The following INTU variants were observed in gnomAD, a reference collection of about 807,000 sequenced individuals.
INTU encodes protein inturned.
In INTU, 68 loss-of-function variants were observed where a neutral mutation model predicts 100.5. The observed-to-expected ratio is 0.68, with a 90% CI of 0.56 to 0.83. The LOEUF is 0.83. INTU is among the 40% of genes least tolerant of loss of function. The probability of loss-of-function intolerance (pLI) is 0.00; values close to 1 mark genes in which losing one functional copy is unlikely to be tolerated. For synonymous variants in INTU, 357 were observed against 395.7 expected, an observed-to-expected ratio of 0.90 and a Z score of 1.16; for missense variants, 1,071 against 1,114.7, an observed-to-expected ratio of 0.96 and a Z score of 0.56.
intron 2 of INTU, among the ~76,000 whole-genome samples, chr4:127,646,094 G>T: frequency 6.6e-6 from 1 of 150,628 alleles, no homozygotes; most frequent in African/African-American, 2.4e-5. Flanking sequence ...TGGGGCACGA[G>T]AATCACTTGA....
chr4:127,697,289 TTC>T (rs985942668), intron 8 of INTU, among the ~76,000 whole-genome samples: 5 of 152,124 alleles, frequency 3.3e-5, no homozygotes, highest in African/African-American at 1.2e-4. Context: ...TATTATTTAC[TTC>T]TCTCTTTCCT....
chr4:127,653,007 G>T (rs981809663), intron 2 of INTU, among the ~76,000 whole-genome samples: 2 of 151,214 alleles, frequency 1.3e-5, no homozygotes. Context: ...GTTTATTTGC[G>T]TAGAGGTGTT....
At chr4:127,664,743 C>T (rs747337418) in intron 4 of INTU, among the ~76,000 whole-genome samples, 2 of 151,254 alleles carry the variant, frequency 1.3e-5, no homozygotes, top group Non-Finnish European at 3.0e-5. Context: ...TTTCTCAGTC[C>T]GTGTCTTTAT....
intron 6 of INTU, among the ~76,000 whole-genome samples, chr4:127,683,505 T>G (rs1171472595): frequency 6.6e-6 from 1 of 152,190 alleles, no homozygotes; most frequent in African/African-American, 2.4e-5. Flanking sequence ...GCTTTGTAAT[T>G]GAACTCACAG....
chr4:127,633,013 C>A lies in INTU; in HGVS notation c.-22C>A. 6.2e-7 allele frequency: 1 copy of A among 1,604,882 alleles called. No homozygotes were observed. The highest frequency in any genetic ancestry group is 1.8e-4 in the Middle Eastern group (1 of 5,588). On this transcript the variant is annotated 5_prime_UTR_variant, in exon 1 of 16. Coordinates refer to ENST00000335251, the MANE Select transcript of INTU (RefSeq NM_015693.4). ...GCTGCGAGATTTGAATTACTCCACT[C>A]GTAGCTATTGCATTCCTGACGATGG...
At chr4:127,681,144 G>GA (rs1283765850) in intron 6 of INTU, among the ~76,000 whole-genome samples, 1 of 152,098 alleles carries the variant, frequency 6.6e-6, no homozygotes, top group Non-Finnish European at 1.5e-5. Flanking sequence ...TCATGGGTAG[G>GA]AAAAATCAAT....
chr4:127,692,304 G>A (rs889834956), intron 8 of INTU, among the ~76,000 whole-genome samples: 2 of 151,726 alleles, frequency 1.3e-5, no homozygotes, highest in Non-Finnish European at 2.9e-5. Flanking sequence ...AGGTGGTATT[G>A]CATTGTGGTT....
At chr4:127,686,487 A>G (rs1228423984) in intron 7 of INTU, 1 of 152,208 alleles carries the variant, frequency 6.6e-6, no homozygotes, top group East Asian at 1.9e-4. Context: ...TTCAGATATC[A>G]AACCACACGT....
rs1489416939 is a variant in INTU, at chr4:127,640,580, TATATATATATAC to T, written c.147-2935_147-2924del. On this transcript the variant is annotated intron_variant, in intron 1 of 15. Coordinates refer to ENST00000335251, the MANE Select transcript of INTU (RefSeq NM_015693.4). The stretch of plus-strand genomic sequence containing the variant: ...ATATATATATATATATATATATATA[TATATATATATAC>T]ATATACATAAACACACATGTGTATA... Among the ~76,000 whole-genome samples the T allele has an allele frequency of 9.1e-3, 430 of 47,254 alleles. 23 individuals are homozygous for T. Among genetic ancestry groups the T allele is most frequent in the African/African-American group, 0.024 (328 of 13,682 alleles). The allele number at this position is 47,254 out of a possible 152,430, so 31.0% of individuals were successfully genotyped here.
At chr4:127,693,695 T>C (rs1169420470) in intron 8 of INTU, among the ~76,000 whole-genome samples, 1 of 152,118 alleles carries the variant, frequency 6.6e-6, no homozygotes, top group Non-Finnish European at 1.5e-5. Flanking sequence ...TTCAGTATAA[T>C]ATTGGCTGTA....
intron 3 of INTU, among the ~76,000 whole-genome samples, chr4:127,662,819 G>T (rs1728530379): frequency 6.6e-6 from 1 of 152,142 alleles, no homozygotes; most frequent in African/African-American, 2.4e-5. Context: ...AGCCATGTTG[G>T]TCTAAGATCC....
intron 10 of INTU, 46 bp downstream of exon 10, chr4:127,704,336 GA>G (rs2148729906): frequency 1.4e-6 from 2 of 1,405,494 alleles, no homozygotes; most frequent in East Asian, 4.6e-5. Flanking sequence ...TGTATAAAGA[GA>G]ACTAAATTTT....
chr4:127,709,223 A>G (rs577987603), intron 13 of INTU, among the ~76,000 whole-genome samples: 4 of 152,166 alleles, frequency 2.6e-5, no homozygotes, highest in African/African-American at 9.6e-5. Flanking sequence ...ATTGAAGACA[A>G]CTCTGAAAGG....
At chr4:127,674,842 C>G (rs550776716) in intron 6 of INTU, among the ~76,000 whole-genome samples, 1 of 152,130 alleles carries the variant, frequency 6.6e-6, no homozygotes, top group Non-Finnish European at 1.5e-5. Flanking sequence ...CACTTCCAGA[C>G]GTACTTAGTG....
At chr4:127,642,989 C>T (rs1003984136) in intron 1 of INTU, among the ~76,000 whole-genome samples, 1 of 151,874 alleles carries the variant, frequency 6.6e-6, no homozygotes, top group Non-Finnish European at 1.5e-5. Flanking sequence ...GTGAATGTTT[C>T]TTTTTTGAAA....
chr4:127,711,915 A>G (rs754631340), intron 14 of INTU, among the ~76,000 whole-genome samples: 14 of 152,180 alleles, frequency 9.2e-5, no homozygotes, highest in Non-Finnish European at 1.2e-4. Context: ...GTTTCATTGA[A>G]TGTTGTTATC....
rs550344550 is a variant in INTU at position 127,663,717 on chromosome 4, G to C, written c.972+133G>C. 29 of 638,500 alleles carry C rather than the reference G, an allele frequency of 4.5e-5. No homozygotes were observed. In the South Asian group the frequency reaches 6.1e-4, roughly 13 times the overall value. The allele number at this position is 638,500 out of a possible 1,614,324, so 39.6% of individuals were successfully genotyped here. On this transcript the variant is annotated intron_variant, in intron 4 of 15. Coordinates refer to ENST00000335251, the MANE Select transcript of INTU (RefSeq NM_015693.4). ...AGCAAGAGACAAAAATGAATTAACTGTTTTTCTTTAAAATTGTGTATCTAA... is the reference window on the plus strand; with the variant it reads ...AGCAAGAGACAAAAATGAATTAACTCTTTTTCTTTAAAATTGTGTATCTAA...
chr4:127,700,058 G>A lies in INTU; in HGVS notation c.1498G>A (p.Glu500Lys). 6.2e-7 allele frequency: 1 copy of A among 1,604,886 alleles called. No homozygotes were observed. The highest frequency in any genetic ancestry group is 8.5e-7 in the Non-Finnish European group (1 of 1,175,094). Residue 500 changes from glutamate to lysine, a missense_variant, in exon 9 of 16, where the codon GAA becomes AAA. By Grantham distance (56) the Glu-to-Lys change is moderately conservative. Coordinates refer to ENST00000335251, the MANE Select transcript of INTU (RefSeq NM_015693.4). Reference protein sequence around the residue: ...LSDLEAADFAELSEDYYDMRR... With the variant: ...LSDLEAADFAKLSEDYYDMRR... ...TGACTTGGAGGCTGCAGATTTTGCA[G>A]AACTGGTAAGGGAAGGAGTGGATTT... is the stretch of plus-strand genomic sequence containing the variant.
rs771175764 is a variant in INTU at position 127,643,761 on chromosome 4, TA to T, written c.395del (p.Asn132IlefsTer11). Reference protein sequence around the residue: ...RKRLLPKRCNKKNSNDNGPVS... With the variant: ...RKRLLPKRCNXKNSNDNGPVS... ...AAAGACTTTTACCCAAGCGCTGCAA[TA>T]AAAAAAATAGCAATGACAATGGACC... On this transcript the variant is annotated frameshift_variant, in exon 2 of 16. Transcript: ENST00000335251. LOFTEE classifies it high-confidence loss of function. 9 of 1,610,584 alleles carry T rather than the reference TA, an allele frequency of 5.6e-6. No homozygotes were observed. The highest frequency in any genetic ancestry group is 5.0e-5 in the Admixed American group (3 of 59,580).
Sources: gnomAD v4.1 joint callset for allele counts (sites outside exome capture counted in the v4.1 genomes callset) on GRCh38, gnomAD v4.1.1 for gene constraint, MANE v1.5 for transcripts, NCBI Gene and HGNC (gene_info 2026-07-23, HGNC 2026-07-21) for gene names.